Variants in ADAMTS3 observed in about 807,000 individuals in gnomAD.
The protein encoded by ADAMTS3 is ADAM metallopeptidase with thrombospondin type 1 motif 3.
In ADAMTS3, 73 loss-of-function variants were observed where a neutral mutation model predicts 129.0. The observed-to-expected ratio is 0.57, with a 90% CI of 0.47 to 0.69. ADAMTS3 has a LOEUF of 0.69. ADAMTS3 is among the 30% of genes least tolerant of loss of function. The pLI, the probability that ADAMTS3 is intolerant of heterozygous loss-of-function variation, is 0.00. For synonymous variants in ADAMTS3, 477 were observed against 510.8 expected (o/e 0.93, Z 0.89); for missense variants, 1,457 against 1,514.5 (o/e 0.96, Z 0.63).
At chr4:72,499,057 T>C (rs185560592) in intron 3 of ADAMTS3, among the ~76,000 whole-genome samples, 1 of 152,158 alleles carries the variant, frequency 6.6e-6, no homozygotes. Context: ...CAAATTCAAA[T>C]CTCTAAAAGT....
intron 3 of ADAMTS3, among the ~76,000 whole-genome samples, chr4:72,425,604 A>G (rs1722551490): frequency 6.6e-6 from 1 of 151,992 alleles, no homozygotes; most frequent in Non-Finnish European, 1.5e-5. Context: ...TTGTCTTTGC[A>G]ATAGTTTGCT....
intron 4 of ADAMTS3, among the ~76,000 whole-genome samples, chr4:72,399,835 A>G (rs1318500337): frequency 7.3e-6 from 1 of 137,194 alleles, no homozygotes; most frequent in Non-Finnish European, 1.6e-5. Context: ...ACGTGTGTAT[A>G]TATATACACA....
At chr4:72,466,733 C>T (rs1011816694) in intron 3 of ADAMTS3, among the ~76,000 whole-genome samples, 1 of 152,048 alleles carries the variant, frequency 6.6e-6, no homozygotes, top group Non-Finnish European at 1.5e-5. Context: ...CTTCTCTTCT[C>T]TTGTTCTCTT....
intron 4 of ADAMTS3, among the ~76,000 whole-genome samples, chr4:72,365,120 G>A (rs940901098): frequency 2.6e-5 from 4 of 152,126 alleles, no homozygotes; most frequent in East Asian, 1.9e-4. Context: ...CATGAGTAAC[G>A]AAAATAAGGA....
chr4:72,293,781 G>C (rs1302759291), intron 19 of ADAMTS3, among the ~76,000 whole-genome samples: 1 of 151,958 alleles, frequency 6.6e-6, no homozygotes, highest in African/African-American at 2.4e-5. Flanking sequence ...GAGTGGGTGT[G>C]GAGAAGTGGA....
intron 17 of ADAMTS3, among the ~76,000 whole-genome samples, chr4:72,301,939 A>G (rs1175822466): frequency 6.6e-6 from 1 of 152,084 alleles, no homozygotes; most frequent in African/African-American, 2.4e-5. Flanking sequence ...TCAAGCCAAG[A>G]CACCAGGCAG....
intron 3 of ADAMTS3, among the ~76,000 whole-genome samples, chr4:72,484,901 C>A (rs965129927): frequency 1.3e-5 from 2 of 152,140 alleles, no homozygotes; most frequent in African/African-American, 4.8e-5. Flanking sequence ...CCCTTTCAAT[C>A]ATGTATCCTT....
At chr4:72,557,885 C>A (rs1721807797) in intron 2 of ADAMTS3, among the ~76,000 whole-genome samples, 2 of 151,666 alleles carry the variant, frequency 1.3e-5, no homozygotes, top group African/African-American at 2.4e-5. Flanking sequence ...AGCCCAAATG[C>A]CAAAATTTTA....
chr4:72,310,940 A>G lies in ADAMTS3; in HGVS notation c.2055+108T>C, dbSNP rs548324884. ...ATTGAACTATTCATAGACACTTACTATAATGTGATTTCAAAGATAAAATAG... is the reference window on the plus strand; with the variant it reads ...ATTGAACTATTCATAGACACTTACTGTAATGTGATTTCAAAGATAAAATAG... On this transcript the variant is annotated intron_variant, in intron 14 of 21. Coordinates refer to ENST00000286657, the MANE Select transcript of ADAMTS3 (RefSeq NM_014243.3). 4.8e-5 allele frequency: 51 copies of G among 1,064,462 alleles called. No homozygotes were observed. In the African/African-American group the frequency reaches 6.8e-4, roughly 14 times the overall value. 65.9% of individuals were successfully genotyped at this position (1,064,462 alleles called of 1,614,324 possible).
chr4:72,319,349 T>C lies in ADAMTS3; in HGVS notation c.1335A>G (p.Glu445=), dbSNP rs200954811. The C allele has an allele frequency of 6.2e-7, 1 of 1,613,948 alleles. No individual in the cohort carries two copies. Among genetic ancestry groups the C allele is most frequent in the Non-Finnish European group, 8.5e-7 (1 of 1,179,942 alleles). The change falls in exon 9 of 22, where the codon GAA becomes GAG. Residue 445 remains glutamate (E), a synonymous_variant. Coordinates refer to ENST00000286657, the MANE Select transcript of ADAMTS3 (RefSeq NM_014243.3). ...GGACATACTGGATATATCTTTTCAGTTCTTGACCACTGCATCGGGACCAGT... is the reference window on the plus strand; with the variant it reads ...GGACATACTGGATATATCTTTTCAGCTCTTGACCACTGCATCGGGACCAGT... ...RYHWSRCSGQ[E]LKRYIHSYDC...
intron 1 of ADAMTS3, among the ~76,000 whole-genome samples, chr4:72,568,221 C>T (rs904991491): frequency 6.6e-6 from 1 of 152,140 alleles, no homozygotes; most frequent in Non-Finnish European, 1.5e-5. Flanking sequence ...TCCTGAAACC[C>T]CCGCCTCCGG....
Position 72,326,165 on chromosome 4 carries a change from AG to A in ADAMTS3, c.862-3069del, listed in dbSNP as rs201266358. Among the ~76,000 whole-genome samples the A allele has an allele frequency of 1.2e-4, 19 of 152,288 alleles. No individual in the cohort carries two copies. The East Asian group carries it at 3.7e-3, about 29-fold the overall frequency. Reference sequence around the variant, plus strand: ...TCAGCACACATTTTGAGATTCACAAAGTATACATAAATTATTATAGGTAGAA... The same window carrying A: ...TCAGCACACATTTTGAGATTCACAAATATACATAAATTATTATAGGTAGAA... On this transcript the variant is annotated intron_variant, in intron 5 of 21. Transcript: ENST00000286657.
intron 3 of ADAMTS3, among the ~76,000 whole-genome samples, chr4:72,514,074 C>T (rs959556149): frequency 2.6e-5 from 4 of 152,078 alleles, no homozygotes; most frequent in Non-Finnish European, 5.9e-5. Context: ...CCTTCTTCCT[C>T]ACCCCCTCTC....
At position 72,283,336 on chromosome 4, in the gene ADAMTS3, T is replaced by C; in HGVS notation, c.3418A>G (p.Lys1140Glu). Reference sequence around the variant, plus strand: ...GGTACGGTGACCAGTCTCACAGTCTTACTTCCTGCTTGCTGAGCACTCCTC... The same window carrying C: ...GGTACGGTGACCAGTCTCACAGTCTCACTTCCTGCTTGCTGAGCACTCCTC... ...RQRSAQQAGS[K>E]TVRLVTVPSS... The change falls in exon 22 of 22, where the codon AAG becomes GAG. Residue 1140 changes from lysine to glutamate, a missense_variant. Coordinates refer to ENST00000286657, the MANE Select transcript of ADAMTS3 (RefSeq NM_014243.3). 1 of 1,613,858 alleles carries C rather than the reference T, an allele frequency of 6.2e-7. No homozygotes were observed. Among genetic ancestry groups the C allele is most frequent in the Non-Finnish European group, 8.5e-7 (1 of 1,179,822 alleles).
chr4:72,433,488 C>T (rs942296384), intron 3 of ADAMTS3, among the ~76,000 whole-genome samples: 1 of 151,820 alleles, frequency 6.6e-6, no homozygotes, highest in Non-Finnish European at 1.5e-5. Context: ...TTAAAGCGTT[C>T]GTTACTTTAA....
chr4:72,398,980 G>A (rs1392534564), intron 4 of ADAMTS3, among the ~76,000 whole-genome samples: 1 of 152,178 alleles, frequency 6.6e-6, no homozygotes, highest in Non-Finnish European at 1.5e-5. Context: ...AAATTGCAGA[G>A]AATCTTTGAC....
At chr4:72,551,126 G>A (rs1477057649) in intron 2 of ADAMTS3, among the ~76,000 whole-genome samples, 1 of 152,100 alleles carries the variant, frequency 6.6e-6, no homozygotes, top group Non-Finnish European at 1.5e-5. Flanking sequence ...CTAACCATCG[G>A]CTGACCATTT....
chr4:72,495,574 T>C (rs1353669876), intron 3 of ADAMTS3, among the ~76,000 whole-genome samples: 2 of 152,192 alleles, frequency 1.3e-5, no homozygotes, highest in African/African-American at 2.4e-5. Flanking sequence ...CTTTAAAACA[T>C]TGTTTTGTAG....
chr4:72,527,300 TC>T (rs2109751769), intron 3 of ADAMTS3, among the ~76,000 whole-genome samples: 1 of 152,272 alleles, frequency 6.6e-6, no homozygotes, highest in South Asian at 2.1e-4. Flanking sequence ...TTAGCCTAGG[TC>T]AGATAACACT....
Sources: allele counts gnomAD v4.1 joint callset (sites outside exome capture counted in the v4.1 genomes callset), GRCh38; gene constraint gnomAD v4.1.1; transcripts MANE v1.5; gene names NCBI Gene and HGNC (gene_info 2026-07-23, HGNC 2026-07-21).